The following UBE3B variants were observed in gnomAD, a reference collection of about 807,000 sequenced individuals.
UBE3B encodes ubiquitin protein ligase E3B.
Under a neutral mutation model 132.3 loss-of-function variants are expected in UBE3B, and 80 were observed. The ratio of observed to expected loss-of-function variants is 0.60; its 90% CI spans 0.50 to 0.73. The LOEUF is 0.73. UBE3B is among the 30% of genes least tolerant of loss of function. The pLI is 0.00. For missense variants in UBE3B, 1,196 were observed against 1,362.5 expected, an observed-to-expected ratio of 0.88 and a Z score of 1.92; for synonymous variants, 487 against 520.4, an observed-to-expected ratio of 0.94 and a Z score of 0.87.
intron 23 of UBE3B, among the ~76,000 whole-genome samples, chr12:109,525,392 A>G (rs1169719231): frequency 6.6e-6 from 1 of 152,194 alleles, no homozygotes; most frequent in East Asian, 1.9e-4. Context: ...ATCGTTCTCT[A>G]CAGAATAGCT....
chr12:109,490,467 A>G lies in UBE3B; in HGVS notation c.630+463A>G, dbSNP rs534248481. On this transcript the variant is annotated intron_variant, in intron 8 of 27. Transcript: ENST00000342494. ...GTCTTGAGTTTGAGAAGTAATGTTG[A>G]CTTTGCCCTTCCTTCTCCCTAGTGC... The G allele has an allele frequency of 5.0e-5, 76 of 1,535,320 alleles. 1 individual carries two copies. In the East Asian group the frequency reaches 1.5e-3, roughly 31 times the overall value.
At chr12:109,492,452 C>T (rs1233486915) in intron 9 of UBE3B, 1 of 146,240 alleles carries the variant, frequency 6.8e-6, no homozygotes, top group East Asian at 1.9e-4. Flanking sequence ...ATTTAAAAAG[C>T]CAAAAGAGGC....
rs141901011 is a variant in UBE3B, at chr12:109,505,833, C to T, written c.1451-1731C>T. On this transcript the variant is annotated intron_variant, in intron 14 of 27. Transcript: ENST00000342494. ...CAACTCCCACTGCTGGCTAATATAC[C>T]TTCCCCAAACAGTTCTTTATTCAAA... Among the ~76,000 whole-genome samples, 921 of 152,282 alleles carry T rather than the reference C, an allele frequency of 6.0e-3. 16 individuals carry two copies. The highest frequency in any genetic ancestry group is 0.021 in the African/African-American group (885 of 41,554).
intron 8 of UBE3B, chr12:109,490,580 C>T (rs1877303817): frequency 2.0e-6 from 3 of 1,535,828 alleles, no homozygotes; most frequent in South Asian, 1.2e-5. Context: ...GTATGACTGG[C>T]AGTTGTCTCG....
chr12:109,540,084 T>C (rs1883579869), downstream of UBE3B, among the ~76,000 whole-genome samples: 8 of 152,036 alleles, frequency 5.3e-5, no homozygotes, highest in South Asian at 1.7e-3. Context: ...CCCCAGAGAA[T>C]CCTGCAGAGG....
chr12:109,494,827 G>T (rs766533954), intron 9 of UBE3B, among the ~76,000 whole-genome samples: 1 of 152,088 alleles, frequency 6.6e-6, no homozygotes, highest in East Asian at 1.9e-4. Context: ...CCACTGATAC[G>T]TCGCTCCCAG....
In UBE3B at chr12:109,535,015, T is replaced by C; in HGVS notation, c.*233T>C. ...GGGCTGCAGAAAATAAACCTCCAGATTCCACCAACACGGGTCCATTCTTCC... is the reference window on the plus strand; with the variant it reads ...GGGCTGCAGAAAATAAACCTCCAGACTCCACCAACACGGGTCCATTCTTCC... On this transcript the variant is annotated 3_prime_UTR_variant, in exon 28 of 28. Transcript: ENST00000342494. 2.6e-6 allele frequency: 1 copy of C among 380,592 alleles called. No homozygotes were observed. Among genetic ancestry groups the C allele is most frequent in the Non-Finnish European group, 4.7e-6 (1 of 214,904 alleles). 23.6% of individuals were successfully genotyped at this position (380,592 alleles called of 1,614,324 possible).
rs1878732621 is a variant in UBE3B, at chr12:109,499,825, C to A, written c.1118+15C>A. ...GTGGATTATGGGTGAGTCCCAGATG[C>A]AAATCACTGTCTTTCCTGCCTCTCT... On this transcript the variant is annotated intron_variant, in intron 12 of 27. Transcript: ENST00000342494. 7 of 1,556,680 alleles carry A rather than the reference C, an allele frequency of 4.5e-6. No individual in the cohort carries two copies. The highest frequency in any genetic ancestry group is 1.8e-5 in the Admixed American group (1 of 54,836).
chr12:109,515,204 C>T (rs139168400), intron 18 of UBE3B, among the ~76,000 whole-genome samples: 274 of 150,880 alleles, frequency 1.8e-3, no homozygotes, highest in Non-Finnish European at 3.1e-3. Flanking sequence ...TGAGCCACCG[C>T]GACTGGCCCA....
intron 7 of UBE3B, 118 bp downstream of exon 7, chr12:109,488,786 A>G (rs907072592): frequency 9.2e-6 from 8 of 869,764 alleles, no homozygotes; most frequent in African/African-American, 1.7e-5. Context: ...CCCTGAGACC[A>G]TACAAATGAG....
At chr12:109,478,452 T>C (rs1874721649) in intron 1 of UBE3B, among the ~76,000 whole-genome samples, 1 of 152,204 alleles carries the variant, frequency 6.6e-6, no homozygotes, top group African/African-American at 2.4e-5. Context: ...ATGAATAGTC[T>C]CTTTAAGTCG....
At chr12:109,514,516 A>G (rs895036158) in intron 18 of UBE3B, among the ~76,000 whole-genome samples, 3 of 152,020 alleles carry the variant, frequency 2.0e-5, no homozygotes, top group Non-Finnish European at 2.9e-5. Flanking sequence ...GTCTTCTGCT[A>G]TCTCCACCCC....
At chr12:109,509,794 T>G in intron 16 of UBE3B, 80 bp downstream of exon 16, 7 of 842,474 alleles carry the variant, frequency 8.3e-6, no homozygotes, top group Non-Finnish European at 1.3e-5. Flanking sequence ...CAACTGATTC[T>G]TAGCTTTATT....
At position 109,483,922 on chromosome 12, in the gene UBE3B, T is replaced by C. The variant is rs1875924404; in HGVS notation, c.223T>C (p.Cys75Arg). The change falls in exon 4 of 28, where the codon TGT (cysteine) becomes CGT (arginine). Residue 75 changes from cysteine (C) to arginine (R), a missense_variant. Cys to Arg is a radical substitution (Grantham distance 180, BLOSUM62 -3). Transcript: ENST00000342494. ...TGAGTCCACTAAAAGAAGTGCACTTTGTATTTTCAAGATTGCCAGGAAACT... is the reference window on the plus strand; with the variant it reads ...TGAGTCCACTAAAAGAAGTGCACTTCGTATTTTCAAGATTGCCAGGAAACT... ...DPESTKRSAL[C>R]IFKIARKLLF... 1 of 1,614,068 alleles carries C rather than the reference T, an allele frequency of 6.2e-7. No individual in the cohort carries two copies.
chr12:109,519,221 A>C (rs1881414825), intron 19 of UBE3B, among the ~76,000 whole-genome samples: 1 of 152,192 alleles, frequency 6.6e-6, no homozygotes, highest in African/African-American at 2.4e-5. Flanking sequence ...TCAGTGATAG[A>C]GCTGGGCCTG....
downstream of UBE3B, among the ~76,000 whole-genome samples, chr12:109,537,249 C>T (rs142548129): frequency 6.6e-6 from 1 of 152,328 alleles, no homozygotes; most frequent in African/African-American, 2.4e-5. Context: ...AGGCGTTGTT[C>T]CCTTAGTGAG....
intron 18 of UBE3B, among the ~76,000 whole-genome samples, chr12:109,513,818 A>G (rs555521693): frequency 7.2e-5 from 11 of 152,132 alleles, no homozygotes; most frequent in African/African-American, 2.7e-4. Flanking sequence ...CCGTGATTGC[A>G]GGTCCTGGGG....
downstream of UBE3B, among the ~76,000 whole-genome samples, chr12:109,540,673 G>A (rs187067201): frequency 2.9e-4 from 44 of 152,342 alleles, no homozygotes; most frequent in African/African-American, 1.0e-3. Context: ...CAGTGTCCTT[G>A]GCCTTCAGAC....
chr12:109,483,450 C>T, intron 2 of UBE3B, 81 bp from the exon 3 acceptor site: 1 of 1,427,454 alleles, frequency 7.0e-7, no homozygotes, highest in Non-Finnish European at 9.3e-7. Flanking sequence ...GGTCCCTGCC[C>T]ACCCTCTGCT....
Sources: gnomAD v4.1 joint callset for allele counts (sites outside exome capture counted in the v4.1 genomes callset) on GRCh38, gnomAD v4.1.1 for gene constraint, MANE v1.5 for transcripts, NCBI Gene and HGNC (gene_info 2026-07-23, HGNC 2026-07-21) for gene names.